FGF12: variants seen among roughly 807,000 people sequenced by gnomAD.
FGF12 encodes the protein fibroblast growth factor 12, also known as fibroblast growth factor 12B.
FGF12 carries 14 observed loss-of-function variants against 23.6 expected under a neutral mutation model. The observed-to-expected ratio is 0.59, with a 90% confidence interval of 0.39 to 0.93. The LOEUF (loss-of-function observed/expected upper bound fraction) is 0.93. FGF12 is among the 40% of genes least tolerant of loss of function. FGF12 has a pLI of 0.00. For synonymous variants in FGF12, 62 were observed against 77.3 expected (o/e 0.80, Z 1.04); for missense variants, 175 against 217.8 (o/e 0.80, Z 1.24).
rs1247237515 is a variant in FGF12 at position 192,140,609 on chromosome 3, G to T, written c.*3400C>A. The T allele has an allele frequency of 6.6e-6, 1 of 151,758 alleles. No individual in the cohort carries two copies. The highest frequency in any genetic ancestry group is 6.6e-5 in the Admixed American group (1 of 15,252). 9.4% of individuals were successfully genotyped at this position (151,758 alleles called of 1,614,324 possible). A position where few individuals can be genotyped will look rare whatever the true frequency, so the allele number is the denominator to read the frequency against. On this transcript the variant is annotated 3_prime_UTR_variant, in exon 6 of 6. Transcript: ENST00000445105. ...TTAATACTCTCATCTCCCACTAGTG[G>T]CACCGCAGGACTACCAATCTAGATA...
chr3:192,525,714 G>A (rs1389489734), intron 2 of FGF12, among the ~76,000 whole-genome samples: 7 of 152,170 alleles, frequency 4.6e-5, no homozygotes, highest in Non-Finnish European at 1.0e-4. Context: ...TGATTTGCTT[G>A]TCTTCTTTTA....
chr3:192,557,066 A>C (rs964292138), intron 2 of FGF12, among the ~76,000 whole-genome samples: 1 of 151,980 alleles, frequency 6.6e-6, no homozygotes, highest in East Asian at 1.9e-4. Flanking sequence ...CAGCCGTAAG[A>C]GGGAGTTTTA....
chr3:192,718,289 G>A (rs1246444054), intron 2 of FGF12, among the ~76,000 whole-genome samples: 1 of 147,474 alleles, frequency 6.8e-6, no homozygotes, highest in Non-Finnish European at 1.5e-5. Context: ...TAATTGTAAA[G>A]AGGACACATA....
At chr3:192,298,619 G>T (rs1425860537) in intron 4 of FGF12, among the ~76,000 whole-genome samples, 1 of 152,122 alleles carries the variant, frequency 6.6e-6, no homozygotes, top group African/African-American at 2.4e-5. Flanking sequence ...CAGGTGTGGT[G>T]CATGTCTGTA....
intron 2 of FGF12, among the ~76,000 whole-genome samples, chr3:192,667,208 T>G (rs536739263): frequency 1.3e-5 from 2 of 152,280 alleles, no homozygotes; most frequent in Non-Finnish European, 2.9e-5. Flanking sequence ...CTGTAGTGAA[T>G]GCTTTAATAG....
chr3:192,221,493 T>C (rs912046822), intron 4 of FGF12, among the ~76,000 whole-genome samples: 5 of 152,182 alleles, frequency 3.3e-5, no homozygotes, highest in African/African-American at 1.2e-4. Context: ...AGTATCTTTA[T>C]ACTAAGGTAC....
intron 2 of FGF12, among the ~76,000 whole-genome samples, chr3:192,478,655 A>C: frequency 6.6e-6 from 1 of 152,224 alleles, no homozygotes. Flanking sequence ...TGACTAAGAT[A>C]AAATTTTCAA....
intron 2 of FGF12, among the ~76,000 whole-genome samples, chr3:192,493,605 C>T (rs768618946): frequency 6.6e-6 from 1 of 152,068 alleles, no homozygotes; most frequent in South Asian, 2.1e-4. Context: ...ACAGGAAGCA[C>T]GATGCTGGCA....
At chr3:192,378,104 T>C (rs1337071110) in intron 2 of FGF12, among the ~76,000 whole-genome samples, 1 of 107,760 alleles carries the variant, frequency 9.3e-6, no homozygotes, top group Non-Finnish European at 1.9e-5. Flanking sequence ...CTTCTTTCTT[T>C]CCTTCTTTCT....
intron 2 of FGF12, among the ~76,000 whole-genome samples, chr3:192,673,548 C>A (rs187598664): frequency 1.3e-5 from 2 of 150,754 alleles, no homozygotes; most frequent in South Asian, 2.1e-4. Context: ...TCCTCCTGCC[C>A]CCCTGACAGG....
chr3:192,568,787 TA>T (rs1031480393), intron 2 of FGF12, among the ~76,000 whole-genome samples: 2 of 152,086 alleles, frequency 1.3e-5, no homozygotes, highest in Non-Finnish European at 2.9e-5. Context: ...GACAGATACA[TA>T]ACGTTATCAC....
At chr3:192,298,213 G>A (rs1227163925) in intron 4 of FGF12, among the ~76,000 whole-genome samples, 1 of 152,136 alleles carries the variant, frequency 6.6e-6, no homozygotes, top group African/African-American at 2.4e-5. Flanking sequence ...TCTGCTATCT[G>A]CAAATCACTG....
intron 2 of FGF12, among the ~76,000 whole-genome samples, chr3:192,557,120 A>C (rs913053248): frequency 3.3e-5 from 5 of 151,960 alleles, no homozygotes; most frequent in Non-Finnish European, 7.4e-5. Flanking sequence ...TCAAATAAAA[A>C]CCTTAATGGT....
intron 2 of FGF12, among the ~76,000 whole-genome samples, chr3:192,679,658 C>T (rs1438317560): frequency 6.6e-6 from 1 of 151,936 alleles, no homozygotes; most frequent in Non-Finnish European, 1.5e-5. Context: ...CATAGATAGA[C>T]ATCTAGATTC....
chr3:192,366,683 G>A (rs75384389), intron 2 of FGF12, among the ~76,000 whole-genome samples: 3,011 of 152,218 alleles, frequency 0.02, 48 homozygotes, highest in Middle Eastern at 0.048. Context: ...AACCTGTCCA[G>A]AGGAAAGGAG....
chr3:192,388,275 A>G (rs777339641), intron 2 of FGF12, among the ~76,000 whole-genome samples: 5 of 152,202 alleles, frequency 3.3e-5, no homozygotes, highest in Non-Finnish European at 7.3e-5. Context: ...AAAAATAACA[A>G]TAATACATAA....
chr3:192,266,094 G>A (rs774276439), intron 4 of FGF12, among the ~76,000 whole-genome samples: 3 of 152,160 alleles, frequency 2.0e-5, no homozygotes, highest in Non-Finnish European at 2.9e-5. Context: ...TGCTAAAATC[G>A]TACTGGTCCT....
intron 2 of FGF12, among the ~76,000 whole-genome samples, chr3:192,482,431 C>T (rs1215618339): frequency 2.0e-5 from 3 of 151,728 alleles, no homozygotes; most frequent in Non-Finnish European, 4.4e-5. Flanking sequence ...GTCAGGGGTT[C>T]GAGACCAGCC....
intron 2 of FGF12, among the ~76,000 whole-genome samples, chr3:192,472,000 C>T (rs1452805325): frequency 6.6e-6 from 1 of 152,038 alleles, no homozygotes; most frequent in East Asian, 1.9e-4. Context: ...TTGTATTTCA[C>T]TTTATTAATT....
Sources: allele counts gnomAD v4.1 joint callset (sites outside exome capture counted in the v4.1 genomes callset), GRCh38; gene constraint gnomAD v4.1.1; transcripts MANE v1.5; gene names NCBI Gene and HGNC (gene_info 2026-07-23, HGNC 2026-07-21).